ERBB4: variants seen among roughly 807,000 people sequenced by gnomAD.
ERBB4 encodes the protein receptor tyrosine-protein kinase erbB-4.
ERBB4 carries 42 observed loss-of-function variants against 158.0 expected under a neutral mutation model. The observed-to-expected ratio is 0.27, with a 90% CI of 0.21 to 0.34. ERBB4 has a LOEUF of 0.34. ERBB4 is among the 10% of genes least tolerant of loss of function. ERBB4 has a pLI of 1.00. For missense variants in ERBB4, 1,333 were observed against 1,624.1 expected (o/e 0.82, Z 3.08); for synonymous variants, 583 against 558.7 (o/e 1.04, Z -0.61).
rs565594192 is a variant in ERBB4 at position 211,385,210 on chromosome 2, T to A, written c.3482-1150A>T. On this transcript the variant is annotated intron_variant, in intron 27 of 27. Coordinates refer to ENST00000342788, the MANE Select transcript of ERBB4 (RefSeq NM_005235.3). Reference sequence around the variant, plus strand: ...ATACAGAATAGGTAAGTATTTAGCATCATTTATTCAACTTAAAGGGCAGTA... The same window carrying A: ...ATACAGAATAGGTAAGTATTTAGCAACATTTATTCAACTTAAAGGGCAGTA... Among the ~76,000 whole-genome samples, 3 of 152,280 alleles carry A rather than the reference T, an allele frequency of 2.0e-5. No individual in the cohort carries two copies. In the South Asian group the frequency reaches 6.2e-4, roughly 32 times the overall value.
chr2:211,865,030 A>G (rs528404152), intron 3 of ERBB4, among the ~76,000 whole-genome samples: 1 of 152,194 alleles, frequency 6.6e-6, no homozygotes, highest in South Asian at 2.1e-4. Flanking sequence ...AAATAAATAA[A>G]TAAAAGATTG....
At chr2:212,134,715 G>C (rs532951105) in intron 1 of ERBB4, among the ~76,000 whole-genome samples, 1 of 125,314 alleles carries the variant, frequency 8.0e-6, no homozygotes, top group Non-Finnish European at 1.6e-5. Flanking sequence ...ATGGAGTCTG[G>C]CTCTGTCGCC....
At chr2:212,188,626 C>A (rs1404455196) in intron 1 of ERBB4, among the ~76,000 whole-genome samples, 1 of 151,838 alleles carries the variant, frequency 6.6e-6, no homozygotes. Flanking sequence ...CTAGTGCCAC[C>A]TTTTTCTTTG....
At position 211,763,183 on chromosome 2, in the gene ERBB4, T is replaced by G. The variant is rs142774287; in HGVS notation, c.557-12479A>C. On this transcript the variant is annotated intron_variant, in intron 4 of 27. Coordinates refer to ENST00000342788, the MANE Select transcript of ERBB4 (RefSeq NM_005235.3). ...AATATTCCCATATTTGTACATTTTA[T>G]CCTGTCAGAATAGTCAGTGTTTAAG... Among the ~76,000 whole-genome samples, 326 of 152,280 alleles carry G rather than the reference T, an allele frequency of 2.1e-3. 3 individuals carry two copies. Among genetic ancestry groups the G allele is most frequent in the African/African-American group, 7.4e-3 (307 of 41,570 alleles).
In ERBB4 at chr2:212,226,264, A is replaced by T. The variant is rs533070987; in HGVS notation, c.83-101361T>A. Among the ~76,000 whole-genome samples the T allele has an allele frequency of 1.4e-4, 22 of 152,240 alleles. No individual in the cohort carries two copies. In the South Asian group the frequency reaches 4.3e-3, roughly 30 times the overall value. ...GAAGCTGAATTCTTCCAACAACCTA[A>T]CTGAGCTTAGAAGAGGACATCAGTC... On this transcript the variant is annotated intron_variant, in intron 1 of 27. Transcript: ENST00000342788.
intron 2 of ERBB4, among the ~76,000 whole-genome samples, chr2:212,114,567 T>C (rs980347367): frequency 7.9e-5 from 12 of 152,210 alleles, no homozygotes; most frequent in Non-Finnish European, 1.5e-4. Context: ...AATTCAGATA[T>C]GTAATCCATA....
intron 2 of ERBB4, among the ~76,000 whole-genome samples, chr2:212,040,816 G>A (rs921879397): frequency 2.0e-5 from 3 of 152,078 alleles, no homozygotes; most frequent in African/African-American, 7.2e-5. Context: ...TCACTGCCGT[G>A]AGATTGATTT....
chr2:211,412,967 A>T (rs2063296097), intron 25 of ERBB4, among the ~76,000 whole-genome samples: 1 of 139,254 alleles, frequency 7.2e-6, no homozygotes, highest in Non-Finnish European at 1.6e-5. Flanking sequence ...AAAAAAAAAG[A>T]AAGAAAGAAA....
At chr2:212,511,781 G>T (rs1416833160) in intron 1 of ERBB4, among the ~76,000 whole-genome samples, 2 of 152,066 alleles carry the variant, frequency 1.3e-5, no homozygotes, top group African/African-American at 4.8e-5. Context: ...GGCCATAAAC[G>T]TGGCTTAAAA....
At chr2:211,929,775 ATAGT>A (rs1235304339) in intron 3 of ERBB4, among the ~76,000 whole-genome samples, 2 of 152,192 alleles carry the variant, frequency 1.3e-5, no homozygotes, top group African/African-American at 2.4e-5. Context: ...GCTATGCATA[ATAGT>A]TAGATATTAT....
chr2:211,452,295 A>G (rs10205509), intron 20 of ERBB4, among the ~76,000 whole-genome samples: 17,062 of 152,060 alleles, frequency 0.11, 3,189 homozygotes, highest in African/African-American at 0.39. Context: ...CTCCTGCCTC[A>G]GCCTCCTGAG....
At chr2:212,403,408 G>C (rs1348923463) in intron 1 of ERBB4, among the ~76,000 whole-genome samples, 1 of 151,892 alleles carries the variant, frequency 6.6e-6, no homozygotes, top group Admixed American at 6.6e-5. Context: ...CAATCCAAAA[G>C]AATTATAATC....
chr2:212,219,371 T>G (rs2083214196), intron 1 of ERBB4, among the ~76,000 whole-genome samples: 1 of 151,412 alleles, frequency 6.6e-6, no homozygotes, highest in African/African-American at 2.4e-5. Flanking sequence ...GTAATTCTGA[T>G]GCACACATAA....
chr2:211,676,760 T>G (rs2072091896), intron 13 of ERBB4, among the ~76,000 whole-genome samples: 1 of 152,222 alleles, frequency 6.6e-6, no homozygotes, highest in South Asian at 2.1e-4. Flanking sequence ...TTCAATAAAC[T>G]TTTAATGTAA....
At chr2:211,718,068 C>T (rs574085811) in intron 7 of ERBB4, among the ~76,000 whole-genome samples, 2 of 152,120 alleles carry the variant, frequency 1.3e-5, no homozygotes, top group East Asian at 2.0e-4. Context: ...TGTGCCACCA[C>T]GACCGGATAA....
intron 1 of ERBB4, among the ~76,000 whole-genome samples, chr2:212,430,196 A>G (rs2091996495): frequency 6.6e-6 from 1 of 152,192 alleles, no homozygotes; most frequent in South Asian, 2.1e-4. Context: ...TTTTATATAC[A>G]TACATACGAT....
At chr2:211,416,207 G>C (rs902930492) in intron 25 of ERBB4, among the ~76,000 whole-genome samples, 11 of 151,908 alleles carry the variant, frequency 7.2e-5, no homozygotes, top group Admixed American at 2.0e-4. Context: ...AATATCTTCA[G>C]CCACATCAGT....
intron 1 of ERBB4, among the ~76,000 whole-genome samples, chr2:212,505,663 C>G (rs1170183162): frequency 2.0e-5 from 3 of 148,922 alleles, no homozygotes; most frequent in East Asian, 1.9e-4. Flanking sequence ...CAGGGACAAA[C>G]AGCAGGCTTG....
intron 1 of ERBB4, among the ~76,000 whole-genome samples, chr2:212,333,705 A>G (rs1223250648): frequency 2.8e-5 from 4 of 145,058 alleles, no homozygotes; most frequent in Non-Finnish European, 6.1e-5. Context: ...AAAAAAAAAA[A>G]TCCTTCCTTG....
Sources: gnomAD v4.1 joint callset for allele counts (sites outside exome capture counted in the v4.1 genomes callset) on GRCh38, gnomAD v4.1.1 for gene constraint, MANE v1.5 for transcripts, NCBI Gene and HGNC (gene_info 2026-07-23, HGNC 2026-07-21) for gene names.